CNTNAP2: variants seen among roughly 807,000 people sequenced by gnomAD.
CNTNAP2 encodes the protein contactin associated protein 2.
A neutral mutation model predicts 155.2 loss-of-function variants in CNTNAP2; 98 were observed. The observed-to-expected ratio is 0.63, with a 90% confidence interval of 0.54 to 0.75. CNTNAP2 has a LOEUF of 0.75. Ranked by LOEUF, CNTNAP2 falls within the 30% of genes least tolerant of loss-of-function variation. The pLI is 0.00. For synonymous variants in CNTNAP2, 651 were observed against 631.2 expected (o/e 1.03, Z -0.47); for missense variants, 1,727 against 1,688.1 (o/e 1.02, Z -0.40).
intron 15 of CNTNAP2, among the ~76,000 whole-genome samples, chr7:148,004,835 T>G (rs1008642392): frequency 6.6e-6 from 1 of 152,088 alleles, no homozygotes; most frequent in African/African-American, 2.4e-5. Flanking sequence ...AAAGGTGGAG[T>G]ACCTGACAAC....
chr7:147,641,092 C>T (rs998755760), intron 13 of CNTNAP2, among the ~76,000 whole-genome samples: 2 of 152,170 alleles, frequency 1.3e-5, no homozygotes, highest in African/African-American at 4.8e-5. Flanking sequence ...TTCTAATGGC[C>T]GGTATTTGCA....
chr7:148,155,331 C>T (rs1016926247), intron 17 of CNTNAP2, among the ~76,000 whole-genome samples: 3 of 152,142 alleles, frequency 2.0e-5, no homozygotes, highest in South Asian at 4.1e-4. Context: ...AGGGCTGTTG[C>T]GACAGGGTAG....
chr7:148,060,918 G>A (rs541139894), intron 15 of CNTNAP2, among the ~76,000 whole-genome samples: 1 of 152,272 alleles, frequency 6.6e-6, no homozygotes, highest in South Asian at 2.1e-4. Flanking sequence ...AATAAAAATA[G>A]AATTCTCAAA....
chr7:147,037,851 C>G (rs1799186401), intron 3 of CNTNAP2, among the ~76,000 whole-genome samples: 1 of 152,122 alleles, frequency 6.6e-6, no homozygotes, highest in East Asian at 1.9e-4. Flanking sequence ...CCTACCTTAT[C>G]AAATACTGAT....
At chr7:146,472,192 A>G (rs1351828931) in intron 1 of CNTNAP2, among the ~76,000 whole-genome samples, 1 of 152,202 alleles carries the variant, frequency 6.6e-6, no homozygotes, top group African/African-American at 2.4e-5. Flanking sequence ...ACAGTTCCAC[A>G]TTAATATATT....
chr7:147,537,279 A>T (rs1057277346), intron 11 of CNTNAP2, among the ~76,000 whole-genome samples: 4 of 116,528 alleles, frequency 3.4e-5, no homozygotes, highest in African/African-American at 1.3e-4. Context: ...GTGGTAAATT[A>T]AATTATTTTG....
At chr7:147,353,188 G>T (rs919380717) in intron 9 of CNTNAP2, among the ~76,000 whole-genome samples, 20 of 150,556 alleles carry the variant, frequency 1.3e-4, no homozygotes, top group African/African-American at 4.5e-4. Context: ...TGGGATACAT[G>T]TTCAGAACGT....
chr7:146,258,512 G>GA (rs1396484409), intron 1 of CNTNAP2, among the ~76,000 whole-genome samples: 1 of 152,066 alleles, frequency 6.6e-6, no homozygotes, highest in Non-Finnish European at 1.5e-5. Context: ...CAAAACAAGT[G>GA]AAATAGCTTG....
intron 1 of CNTNAP2, among the ~76,000 whole-genome samples, chr7:146,680,464 C>A (rs1800482350): frequency 6.6e-6 from 1 of 152,040 alleles, no homozygotes; most frequent in Non-Finnish European, 1.5e-5. Flanking sequence ...ACCTTCATAA[C>A]CTTGATTACA....
chr7:147,315,111 CAAAA>C (rs61529667), intron 9 of CNTNAP2, among the ~76,000 whole-genome samples: 4 of 107,152 alleles, frequency 3.7e-5, no homozygotes, highest in Admixed American at 9.5e-5. Context: ...GGGTACTTTA[CAAAA>C]AAAAAAAAAA....
At position 146,886,497 on chromosome 7, in the gene CNTNAP2, C is replaced by T. The variant is rs536445004; in HGVS notation, c.402+46593C>T. Among the ~76,000 whole-genome samples, 26 of 152,186 alleles carry T rather than the reference C, an allele frequency of 1.7e-4. No homozygotes were observed. In the South Asian group the frequency reaches 5.2e-3, roughly 30 times the overall value. ...AATAAGACTACTAATCTTTGCCTCACAGATCCATGGAAAGAATAACATGGG... is the reference window on the plus strand; with the variant it reads ...AATAAGACTACTAATCTTTGCCTCATAGATCCATGGAAAGAATAACATGGG... On this transcript the variant is annotated intron_variant, in intron 3 of 23. Transcript: ENST00000361727.
intron 15 of CNTNAP2, among the ~76,000 whole-genome samples, chr7:147,983,434 A>C (rs903638303): frequency 6.9e-6 from 1 of 145,040 alleles, no homozygotes; most frequent in Non-Finnish European, 1.5e-5. Context: ...TACTGTTGAC[A>C]AAAAAAAAAT....
intron 1 of CNTNAP2, among the ~76,000 whole-genome samples, chr7:146,563,243 T>G (rs928566002): frequency 2.6e-5 from 4 of 152,200 alleles, no homozygotes; most frequent in African/African-American, 7.2e-5. Context: ...GCAACTATAT[T>G]CTTGCATTTC....
intron 12 of CNTNAP2, among the ~76,000 whole-genome samples, chr7:147,575,371 G>GGTATGT (rs1554406980): frequency 1.1e-4 from 11 of 95,882 alleles, no homozygotes; most frequent in East Asian, 3.1e-4. Context: ...TAGCTTTAGG[G>GGTATGT]GTGTGTGTGT....
At chr7:148,314,781 C>A (rs1174399687) in intron 21 of CNTNAP2, among the ~76,000 whole-genome samples, 2 of 152,176 alleles carry the variant, frequency 1.3e-5, no homozygotes, top group African/African-American at 4.8e-5. Flanking sequence ...AGGCAGGCGT[C>A]CCCGTGTGGT....
chr7:147,696,375 C>T lies in CNTNAP2; in HGVS notation c.2098+57069C>T, dbSNP rs370009755. On this transcript the variant is annotated intron_variant, in intron 13 of 23. Coordinates refer to ENST00000361727, the MANE Select transcript of CNTNAP2 (RefSeq NM_014141.6). ...TTTGTTTTTACTTCTTAAGTGGTTG[C>T]CCTAGGGTTTGCAATAAATATTTGC... Among the ~76,000 whole-genome samples, 11 of 151,988 alleles carry T rather than the reference C, an allele frequency of 7.2e-5. 1 individual carries two copies. The East Asian group carries it at 7.7e-4, about 11-fold the overall frequency.
chr7:146,756,677 C>G (rs1802000839), intron 1 of CNTNAP2, among the ~76,000 whole-genome samples: 1 of 151,812 alleles, frequency 6.6e-6, no homozygotes, highest in South Asian at 2.1e-4. Flanking sequence ...ATAAATGTAC[C>G]CAAGAATGCA....
rs1046879751 is a variant in CNTNAP2 at position 146,245,742 on chromosome 7, T to C, written c.97+128769T>C. On this transcript the variant is annotated intron_variant, in intron 1 of 23. Transcript: ENST00000361727. ...CTTGACTGAAGTAATGGGGGCTGTC[T>C]GTGAAGCCTTGCGGCAGTACAGCCC... 1.6e-4 allele frequency among the ~76,000 whole-genome samples: 24 copies of C among 152,212 alleles called. 1 individual carries two copies. The highest frequency in any genetic ancestry group is 2.6e-4 in the Admixed American group (4 of 15,298).
chr7:146,855,562 A>G lies in CNTNAP2; in HGVS notation c.402+15658A>G, dbSNP rs531476692. Among the ~76,000 whole-genome samples the G allele has an allele frequency of 5.9e-5, 9 of 152,154 alleles. No individual in the cohort carries two copies. In the East Asian group the frequency reaches 1.7e-3, roughly 29 times the overall value. ...TTTGCTGGATATATTGTTTAGTGAA[A>G]AAAAGAAAAGTACAAAGAGCGTTTA... On this transcript the variant is annotated intron_variant, in intron 3 of 23. Coordinates refer to ENST00000361727, the MANE Select transcript of CNTNAP2 (RefSeq NM_014141.6).
Sources: gnomAD v4.1 joint callset for allele counts (sites outside exome capture counted in the v4.1 genomes callset) on GRCh38, gnomAD v4.1.1 for gene constraint, MANE v1.5 for transcripts, NCBI Gene and HGNC (gene_info 2026-07-23, HGNC 2026-07-21) for gene names.